The following TAMM41 variants were observed in gnomAD, a reference collection of about 807,000 sequenced individuals.
TAMM41 encodes TAM41 mitochondrial translocator assembly and maintenance homolog.
A neutral mutation model predicts 44.1 loss-of-function variants in TAMM41; 36 were observed. That is an observed-to-expected ratio of 0.82 (90% confidence interval 0.63 to 1.08). The LOEUF is 1.08. Ranked by LOEUF, TAMM41 falls within the 50% of genes least tolerant of loss-of-function variation. The pLI, the probability that TAMM41 is intolerant of heterozygous loss-of-function variation, is 0.00. For missense variants in TAMM41, 417 were observed against 404.3 expected, an observed-to-expected ratio of 1.03 and a Z score of -0.27; for synonymous variants, 164 against 153.1, an observed-to-expected ratio of 1.07 and a Z score of -0.53.
At chr3:11,773,065 T>C in the TAMM41 span, among the ~76,000 whole-genome samples, 2 of 152,120 alleles carry the variant, frequency 1.3e-5, no homozygotes, top group African/African-American at 4.8e-5. Context: ...CAAGCAATTC[T>C]CCTGCCTCAT....
chr3:11,794,161 T>A (rs115320051), intron 7 of TAMM41, among the ~76,000 whole-genome samples: 15,610 of 151,732 alleles, frequency 0.1, 993 homozygotes, highest in African/African-American at 0.16. Flanking sequence ...TTTTTTTTTT[T>A]TTTTTTACTC....
intron 5 of TAMM41, among the ~76,000 whole-genome samples, chr3:11,812,742 G>A (rs1472991004): frequency 2.6e-5 from 4 of 152,196 alleles, no homozygotes; most frequent in Non-Finnish European, 5.9e-5. Context: ...TCAGGAGCTG[G>A]GGTGCTGATA....
At chr3:11,824,679 T>G (rs1008330747) in intron 4 of TAMM41, among the ~76,000 whole-genome samples, 1 of 152,150 alleles carries the variant, frequency 6.6e-6, no homozygotes, top group South Asian at 2.1e-4. Context: ...AAGGAAGCAG[T>G]ATAATCCACT....
chr3:11,791,669 G>A (rs192816472), intron 7 of TAMM41, among the ~76,000 whole-genome samples: 84 of 152,254 alleles, frequency 5.5e-4, no homozygotes, highest in Admixed American at 2.8e-3. Flanking sequence ...TTTGAGTGAT[G>A]GCTTGAAAAT....
the TAMM41 span, among the ~76,000 whole-genome samples, chr3:11,732,059 G>C: frequency 1.3e-5 from 2 of 152,044 alleles, no homozygotes; most frequent in African/African-American, 4.8e-5. Flanking sequence ...TGGAGGCGTG[G>C]TTTCGCCATG....
the TAMM41 span, among the ~76,000 whole-genome samples, chr3:11,778,890 TA>T: frequency 6.6e-6 from 1 of 152,226 alleles, no homozygotes. Flanking sequence ...GATTTACAAA[TA>T]TTTTTTTCCC....
intron 4 of TAMM41, 21 bp downstream of exon 4, chr3:11,829,693 C>A: frequency 6.2e-7 from 1 of 1,613,226 alleles, no homozygotes; most frequent in Non-Finnish European, 8.5e-7. Context: ...TGTAGAACAT[C>A]TGGGCAGCAA....
the TAMM41 span, among the ~76,000 whole-genome samples, chr3:11,772,064 T>C: frequency 2.0e-5 from 3 of 150,328 alleles, no homozygotes; most frequent in Non-Finnish European, 4.4e-5. Flanking sequence ...TGTCTGTTTT[T>C]CTTTTTCTTT....
chr3:11,813,890 GTGTATATA>G (rs1394770543), intron 5 of TAMM41, among the ~76,000 whole-genome samples: 5 of 147,646 alleles, frequency 3.4e-5, no homozygotes, highest in Non-Finnish European at 6.0e-5. Context: ...ATGTATATAT[GTGTATATA>G]TGTATATATG....
chr3:11,839,579 C>T (rs1179794040), intron 2 of TAMM41, among the ~76,000 whole-genome samples: 1 of 152,220 alleles, frequency 6.6e-6, no homozygotes, highest in Non-Finnish European at 1.5e-5. Context: ...TCTAGCATGG[C>T]TGACTCCATC....
chr3:11,790,208 G>T (rs968959813), downstream of TAMM41, among the ~76,000 whole-genome samples: 3 of 152,174 alleles, frequency 2.0e-5, no homozygotes, highest in African/African-American at 4.8e-5. Flanking sequence ...CAGCATACAA[G>T]AAATTTGTCA....
the TAMM41 span, among the ~76,000 whole-genome samples, chr3:11,744,121 G>A: frequency 6.6e-6 from 1 of 152,080 alleles, no homozygotes; most frequent in Non-Finnish European, 1.5e-5. Context: ...AGGTTGGAGT[G>A]CAATGGTGTG....
chr3:11,763,930 T>C, the TAMM41 span, among the ~76,000 whole-genome samples: 2 of 152,224 alleles, frequency 1.3e-5, no homozygotes, highest in Non-Finnish European at 2.9e-5. Context: ...AATATTATCT[T>C]TGAATAATAT....
chr3:11,753,152 G>A, the TAMM41 span, among the ~76,000 whole-genome samples: 26 of 152,150 alleles, frequency 1.7e-4, no homozygotes, highest in Admixed American at 4.6e-4. Flanking sequence ...CCTGGCCAGC[G>A]CAGTGGCTCA....
chr3:11,740,403 GA>G, the TAMM41 span, among the ~76,000 whole-genome samples: 1 of 151,948 alleles, frequency 6.6e-6, no homozygotes, highest in Non-Finnish European at 1.5e-5. Flanking sequence ...TGCCCCAATG[GA>G]AACATCTTGC....
At chr3:11,829,429 A>G (rs1051152239) in intron 4 of TAMM41, among the ~76,000 whole-genome samples, 7 of 152,236 alleles carry the variant, frequency 4.6e-5, no homozygotes, top group African/African-American at 1.7e-4. Context: ...GGGCATAGGG[A>G]GTTTTCTGTA....
At chr3:11,751,255 C>T in the TAMM41 span, among the ~76,000 whole-genome samples, 2 of 152,010 alleles carry the variant, frequency 1.3e-5, no homozygotes, top group African/African-American at 4.8e-5. Context: ...CCACACCTGG[C>T]TAATTTTTGT....
intron 5 of TAMM41, among the ~76,000 whole-genome samples, chr3:11,813,969 C>A (rs2078187802): frequency 7.1e-6 from 1 of 141,836 alleles, no homozygotes; most frequent in Admixed American, 7.5e-5. Flanking sequence ...TACATATACA[C>A]ACATACACAC....
At chr3:11,802,025 C>T (rs2077770437) in intron 7 of TAMM41, among the ~76,000 whole-genome samples, 2 of 152,046 alleles carry the variant, frequency 1.3e-5, no homozygotes, top group Non-Finnish European at 2.9e-5. Context: ...TCAAGACCAG[C>T]CAGGGCAATG....
Sources: gnomAD v4.1 joint callset for allele counts (sites outside exome capture counted in the v4.1 genomes callset) on GRCh38, gnomAD v4.1.1 for gene constraint, MANE v1.5 for transcripts, NCBI Gene and HGNC (gene_info 2026-07-23, HGNC 2026-07-21) for gene names.